The following LYST variants were observed in gnomAD, a reference collection of about 807,000 sequenced individuals.
The protein encoded by LYST is lysosomal trafficking regulator, also known as lysosomal-trafficking regulator.
A neutral mutation model predicts 413.6 loss-of-function variants in LYST; 192 were observed. The observed-to-expected ratio is 0.46, with a 90% CI of 0.41 to 0.52. LYST has a LOEUF of 0.52. Ranked by LOEUF, LYST falls within the 20% of genes least tolerant of loss-of-function variation. The pLI, the probability that LYST is intolerant of heterozygous loss-of-function variation, is 0.00. For synonymous variants in LYST, 1,525 were observed against 1,567.3 expected (o/e 0.97, Z 0.64); for missense variants, 3,815 against 4,499.9 (o/e 0.85, Z 4.35).
chr1:235,663,213 A>G (rs1224739763), intron 52 of LYST, 135 bp from the exon 53 acceptor site: 1 of 694,446 alleles, frequency 1.4e-6, no homozygotes, highest in African/African-American at 1.8e-5. Context: ...ATGACTGCCT[A>G]CAACTCATTG....
intron 43 of LYST, among the ~76,000 whole-genome samples, chr1:235,711,563 G>A (rs1162893308): frequency 1.3e-5 from 2 of 152,076 alleles, no homozygotes; most frequent in Non-Finnish European, 2.9e-5. Context: ...GCTAAGGTTG[G>A]CAGCCAAGAC....
chr1:235,857,600 C>A (rs1679330188), intron 1 of LYST, among the ~76,000 whole-genome samples: 1 of 151,600 alleles, frequency 6.6e-6, no homozygotes, highest in South Asian at 2.1e-4. Flanking sequence ...AGAATCCAGC[C>A]AATGAGACTG....
chr1:235,855,154 T>G (rs2103121989), intron 1 of LYST, among the ~76,000 whole-genome samples: 1 of 152,312 alleles, frequency 6.6e-6, no homozygotes, highest in East Asian at 1.9e-4. Context: ...CACCACACTG[T>G]ACTGTATTGT....
At chr1:235,876,888 GC>G (rs1386455340) in intron 1 of LYST, among the ~76,000 whole-genome samples, 2 of 152,182 alleles carry the variant, frequency 1.3e-5, no homozygotes, top group Non-Finnish European at 2.9e-5. Context: ...TGGTGGGGCA[GC>G]CCCAGGCATT....
chr1:235,753,510 C>G (rs1666697681), intron 25 of LYST, among the ~76,000 whole-genome samples: 1 of 152,122 alleles, frequency 6.6e-6, no homozygotes, highest in Non-Finnish European at 1.5e-5. Context: ...AATATGCATA[C>G]AATTTCTTGG....
chr1:235,849,206 G>C (rs1678239861), intron 1 of LYST, among the ~76,000 whole-genome samples: 1 of 152,122 alleles, frequency 6.6e-6, no homozygotes, highest in Non-Finnish European at 1.5e-5. Context: ...TGCAGGGATG[G>C]TTTAACATAC....
chr1:235,752,068 C>A lies in LYST; in HGVS notation c.7564G>T (p.Val2522Phe), dbSNP rs1218359042. Residue 2522 changes from valine (V) to phenylalanine (F), a missense_variant, in exon 27 of 53, where the codon GTT becomes TTT. Coordinates refer to ENST00000389793, the MANE Select transcript of LYST (RefSeq NM_000081.4). Reference sequence around the variant, plus strand: ...AGCATTACAATAAGGTCTTCAATAACCCTAAAATATTGTGAGCCTGAGGAA... The same window carrying A: ...AGCATTACAATAAGGTCTTCAATAAACCTAAAATATTGTGAGCCTGAGGAA... ...CSSSGSQYFR[V>F]IEDLIVMLGY... 6.2e-7 allele frequency: 1 copy of A among 1,610,244 alleles called. No homozygotes were observed. Among genetic ancestry groups the A allele is most frequent in the Non-Finnish European group, 8.5e-7 (1 of 1,176,920 alleles).
chr1:235,825,074 TTACC>T (rs1675187154), intron 3 of LYST, among the ~76,000 whole-genome samples: 1 of 151,994 alleles, frequency 6.6e-6, no homozygotes, highest in African/African-American at 2.4e-5. Context: ...TCAAGATAAC[TTACC>T]TACATTACAG....
At chr1:235,877,593 A>T (rs553955331) in intron 1 of LYST, among the ~76,000 whole-genome samples, 31 of 152,098 alleles carry the variant, frequency 2.0e-4, no homozygotes, top group Non-Finnish European at 4.3e-4. Context: ...TTTAGTAGAC[A>T]TGAGGTTTCT....
intron 41 of LYST, among the ~76,000 whole-genome samples, chr1:235,715,956 A>G (rs1302975902): frequency 6.6e-6 from 1 of 151,996 alleles, no homozygotes; most frequent in African/African-American, 2.4e-5. Flanking sequence ...AATATCTGTC[A>G]CTATTCTTGT....
intron 16 of LYST, among the ~76,000 whole-genome samples, chr1:235,778,122 T>TATATATATATATATATATATA (rs1558230944): frequency 4.8e-5 from 7 of 144,800 alleles, no homozygotes; most frequent in African/African-American, 1.6e-4. Context: ...TATATATATA[T>TATATATATATATATATATATA]TTTTGTAGAG....
At chr1:235,815,415 AGGAT>A (rs1045867154) in intron 3 of LYST, among the ~76,000 whole-genome samples, 41 of 152,224 alleles carry the variant, frequency 2.7e-4, no homozygotes, top group African/African-American at 9.4e-4. Flanking sequence ...CAGGCTATTT[AGGAT>A]GGGCTATTTG....
At chr1:235,799,737 T>C (rs1459209738) in intron 10 of LYST, among the ~76,000 whole-genome samples, 4 of 152,076 alleles carry the variant, frequency 2.6e-5, no homozygotes, top group Admixed American at 6.6e-5. Flanking sequence ...GGCATTAGAC[T>C]GGGTTACAGT....
chr1:235,784,809 C>G (rs142149838), intron 14 of LYST, among the ~76,000 whole-genome samples: 68 of 152,226 alleles, frequency 4.5e-4, no homozygotes, highest in African/African-American at 1.6e-3. Flanking sequence ...TCTGATTTAA[C>G]TATAGGTTCT....
intron 10 of LYST, among the ~76,000 whole-genome samples, chr1:235,796,543 TC>T (rs1212233843): frequency 6.6e-6 from 1 of 152,190 alleles, no homozygotes. Flanking sequence ...TAAATATCTG[TC>T]CCCTCCAAAA....
chr1:235,780,331 G>A (rs148228334), intron 16 of LYST, among the ~76,000 whole-genome samples: 4,167 of 151,812 alleles, frequency 0.027, 85 homozygotes, highest in Admixed American at 0.053. Context: ...TTGAGCCCAG[G>A]AGTTCAAGGC....
rs1672872390 is a variant in LYST at position 235,806,657 on chromosome 1, G to C, written c.2479C>G (p.Leu827Val). The change falls in exon 6 of 53, where the codon CTA becomes GTA. Residue 827 changes from leucine to valine, a missense_variant. By Grantham distance (32) the Leu-to-Val change is conservative. Around this residue, in one of 4 missense-constraint regions of LYST, gnomAD observed 1,648 missense variants for 1,810.3 expected, o/e 0.91. Transcript: ENST00000389793. The part of the protein sequence containing the change: ...LKAFETLIIS[L>V]GEQQKDASVP... ...GAGGCATCTTTCTGTTGCTCCCCTA[G>C]GCTGATTATCAGAGTTTCAAATGCT... The C allele has an allele frequency of 6.2e-7, 1 of 1,613,684 alleles. No homozygotes were observed. Among genetic ancestry groups the C allele is most frequent in the African/African-American group, 1.3e-5 (1 of 74,860 alleles).
chr1:235,693,388 G>GCTC lies in LYST; in HGVS notation c.10660_10662dup (p.Glu3554dup). 1 of 1,613,016 alleles carries GCTC rather than the reference G, an allele frequency of 6.2e-7. No homozygotes were observed. Among genetic ancestry groups the GCTC allele is most frequent in the Non-Finnish European group, 8.5e-7 (1 of 1,179,054 alleles). On this transcript the variant is annotated inframe_insertion, in exon 47 of 53. Coordinates refer to ENST00000389793, the MANE Select transcript of LYST (RefSeq NM_000081.4). ...GAACTTTGAATAAAGTTTACTGGAG[G>GCTC]CTCACTTTGTTTACTCTTCAACCTT...
Position 235,800,395 on chromosome 1 carries a change from T to C in LYST, c.3940-9A>G, listed in dbSNP as rs1553302806. 4.7e-6 allele frequency: 7 copies of C among 1,474,654 alleles called. No homozygotes were observed. The South Asian group carries it at 5.7e-5, about 12-fold the overall frequency. The allele number at this position is 1,474,654 out of a possible 1,614,324, so 91.3% of individuals were successfully genotyped here. A position where few individuals can be genotyped will look rare whatever the true frequency, so the allele number is the denominator to read the frequency against. ...AGATTTTTCACAGTTCCCTGAAGAT[T>C]AAAAAAAATACAAAATTAAATTACT... On this transcript the variant is annotated splice_polypyrimidine_tract_variant and intron_variant, in intron 9 of 52. Transcript: ENST00000389793.
Sources: allele counts gnomAD v4.1 joint callset (sites outside exome capture counted in the v4.1 genomes callset), GRCh38; gene constraint gnomAD v4.1.1; regional missense constraint gnomAD v4.1.1; transcripts MANE v1.5; gene names NCBI Gene and HGNC (gene_info 2026-07-23, HGNC 2026-07-21).